CNTN1: variants seen among roughly 807,000 people sequenced by gnomAD.
CNTN1 encodes contactin 1, also known as contactin-1.
CNTN1 carries 38 observed loss-of-function variants against 126.4 expected under a neutral mutation model. The ratio of observed to expected loss-of-function variants is 0.30; its 90% CI spans 0.23 to 0.39. The LOEUF (loss-of-function observed/expected upper bound fraction) is 0.39. Ranked by LOEUF, CNTN1 falls within the 10% of genes least tolerant of loss-of-function variation. The pLI is 1.00. For synonymous variants in CNTN1, 413 were observed against 422.6 expected, an observed-to-expected ratio of 0.98 and a Z score of 0.28; for missense variants, 1,009 against 1,248.4, an observed-to-expected ratio of 0.81 and a Z score of 2.89.
intron 1 of CNTN1, among the ~76,000 whole-genome samples, chr12:40,792,394 A>C (rs17541322): frequency 0.08 from 12,103 of 152,164 alleles, 549 homozygotes; most frequent in Non-Finnish European, 0.093. Context: ...ATAATAACAA[A>C]AATCTCCATT....
At chr12:40,869,591 T>A in intron 1 of CNTN1, among the ~76,000 whole-genome samples, 1 of 152,214 alleles carries the variant, frequency 6.6e-6, no homozygotes, top group South Asian at 2.1e-4. Context: ...TTTATATACA[T>A]ATATTATTAT....
At chr12:40,797,456 A>T (rs988066852) in intron 1 of CNTN1, among the ~76,000 whole-genome samples, 7 of 151,988 alleles carry the variant, frequency 4.6e-5, no homozygotes, top group Admixed American at 3.3e-4. Flanking sequence ...GTATGTTAGG[A>T]TAGAGTGGGA....
intron 1 of CNTN1, among the ~76,000 whole-genome samples, chr12:40,821,045 C>T (rs1393694613): frequency 6.6e-6 from 1 of 152,152 alleles, no homozygotes; most frequent in African/African-American, 2.4e-5. Flanking sequence ...CTGTTTGATT[C>T]GTAGTTCTCA....
chr12:40,922,513 G>A (rs1945480206), intron 5 of CNTN1, 85 bp downstream of exon 5: 6 of 1,289,822 alleles, frequency 4.7e-6, no homozygotes, highest in South Asian at 2.4e-5. Context: ...ATAGTGAGAG[G>A]AAGGCATCAT....
intron 16 of CNTN1, among the ~76,000 whole-genome samples, chr12:40,982,996 T>C (rs373946974): frequency 1.3e-5 from 2 of 151,402 alleles, no homozygotes; most frequent in East Asian, 1.9e-4. Flanking sequence ...ATGTAAATGA[T>C]GAGTTAATGG....
intron 1 of CNTN1, among the ~76,000 whole-genome samples, chr12:40,883,265 CTATT>C: frequency 6.6e-6 from 1 of 151,648 alleles, no homozygotes; most frequent in Non-Finnish European, 1.5e-5. Context: ...TATTTGTTGA[CTATT>C]TCTGGTATTG....
intron 1 of CNTN1, among the ~76,000 whole-genome samples, chr12:40,797,655 C>T (rs1940490110): frequency 6.6e-6 from 1 of 152,004 alleles, no homozygotes; most frequent in African/African-American, 2.4e-5. Flanking sequence ...CTTCTAGGTG[C>T]TCTGATAGAG....
intron 7 of CNTN1, among the ~76,000 whole-genome samples, chr12:40,933,233 G>C (rs1945958903): frequency 1.3e-5 from 2 of 151,722 alleles, no homozygotes; most frequent in Non-Finnish European, 2.9e-5. Flanking sequence ...GAGTCACAAT[G>C]GTTATGCAGC....
intron 1 of CNTN1, among the ~76,000 whole-genome samples, chr12:40,762,468 A>T (rs1938900130): frequency 6.6e-6 from 1 of 152,232 alleles, no homozygotes; most frequent in Admixed American, 6.5e-5. Flanking sequence ...AATAGTCAGA[A>T]CTTATCCAAA....
At chr12:40,965,784 G>A (rs1318625517) in intron 15 of CNTN1, among the ~76,000 whole-genome samples, 1 of 152,108 alleles carries the variant, frequency 6.6e-6, no homozygotes, top group African/African-American at 2.4e-5. Context: ...TTCACATTGT[G>A]TTCAAGAATC....
At chr12:40,734,904 T>G (rs193036201) in intron 1 of CNTN1, among the ~76,000 whole-genome samples, 2 of 152,178 alleles carry the variant, frequency 1.3e-5, no homozygotes, top group East Asian at 1.9e-4. Flanking sequence ...TCAACTAAGT[T>G]GAGAAGATTT....
chr12:41,008,005 A>G (rs1948545442), intron 17 of CNTN1, among the ~76,000 whole-genome samples: 1 of 152,166 alleles, frequency 6.6e-6, no homozygotes, highest in African/African-American at 2.4e-5. Context: ...TGATTTCTTA[A>G]CTTCTATATC....
chr12:40,975,911 A>G (rs1947658304), intron 15 of CNTN1, among the ~76,000 whole-genome samples: 1 of 152,196 alleles, frequency 6.6e-6, no homozygotes, highest in Admixed American at 6.6e-5. Flanking sequence ...AGCATTTGAA[A>G]GAATCAGGAA....
At chr12:40,822,186 A>T (rs1012772868) in intron 1 of CNTN1, among the ~76,000 whole-genome samples, 1 of 58,996 alleles carries the variant, frequency 1.7e-5, no homozygotes, top group Non-Finnish European at 3.7e-5. Context: ...GCAGAGTCTC[A>T]CTCTGTCACC....
chr12:41,043,120 C>G (rs1405262171), intron 23 of CNTN1, among the ~76,000 whole-genome samples: 1 of 152,158 alleles, frequency 6.6e-6, no homozygotes, highest in Non-Finnish European at 1.5e-5. Flanking sequence ...ACACCAAAAG[C>G]AATGGCAACA....
At chr12:40,894,373 G>A (rs1405398684) in intron 1 of CNTN1, among the ~76,000 whole-genome samples, 1 of 152,068 alleles carries the variant, frequency 6.6e-6, no homozygotes, top group Non-Finnish European at 1.5e-5. Flanking sequence ...AGTGAATGTT[G>A]ATTTAAACTG....
intron 3 of CNTN1, among the ~76,000 whole-genome samples, chr12:40,913,332 T>C (rs1432653484): frequency 6.6e-6 from 1 of 152,192 alleles, no homozygotes; most frequent in Non-Finnish European, 1.5e-5. Context: ...AGCTGTAATA[T>C]GTGGAAGAAG....
chr12:40,791,629 T>A (rs183162015), intron 1 of CNTN1, among the ~76,000 whole-genome samples: 1 of 152,280 alleles, frequency 6.6e-6, no homozygotes, highest in East Asian at 1.9e-4. Context: ...TTCGTTTACA[T>A]CTATAATCAT....
chr12:41,057,187 A>C (rs561588867), intron 23 of CNTN1, among the ~76,000 whole-genome samples: 1 of 130,376 alleles, frequency 7.7e-6, no homozygotes, highest in Admixed American at 7.5e-5. Context: ...ATAAATATTT[A>C]GATATTTATA....
Sources: allele counts gnomAD v4.1 joint callset (sites outside exome capture counted in the v4.1 genomes callset), GRCh38; gene constraint gnomAD v4.1.1; transcripts MANE v1.5; gene names NCBI Gene and HGNC (gene_info 2026-07-23, HGNC 2026-07-21).